SPMIP2: variants seen among roughly 807,000 people sequenced by gnomAD.
SPMIP2 encodes the protein sperm microtubule inner protein 2.
chr4:159,015,087 A>G, the SPMIP2 span, among the ~76,000 whole-genome samples: 1 of 152,226 alleles, frequency 6.6e-6, no homozygotes. Flanking sequence ...GTCCTGCAAG[A>G]CTGTAAATAA....
At chr4:158,956,523 G>A in the SPMIP2 span, among the ~76,000 whole-genome samples, 2 of 152,160 alleles carry the variant, frequency 1.3e-5, no homozygotes, top group South Asian at 2.1e-4. Context: ...AGATCGCGCC[G>A]TTGCACTCCA....
chr4:158,981,052 GA>G, the SPMIP2 span, among the ~76,000 whole-genome samples: 3 of 152,154 alleles, frequency 2.0e-5, no homozygotes, highest in Non-Finnish European at 4.4e-5. Context: ...AGAACTCTGT[GA>G]AGCATACACA....
the SPMIP2 span, among the ~76,000 whole-genome samples, chr4:158,900,176 G>C: frequency 1.3e-5 from 2 of 152,170 alleles, no homozygotes; most frequent in Non-Finnish European, 2.9e-5. Flanking sequence ...TCTTAATCCT[G>C]AGTTCTAATT....
At chr4:158,982,028 G>A in the SPMIP2 span, among the ~76,000 whole-genome samples, 49,750 of 151,762 alleles carry the variant, frequency 0.33, 8,320 homozygotes, top group South Asian at 0.41. Context: ...AGGGATGGAG[G>A]AATATTTACA....
the SPMIP2 span, among the ~76,000 whole-genome samples, chr4:158,988,784 G>A: frequency 1.3e-5 from 2 of 152,062 alleles, no homozygotes; most frequent in East Asian, 1.9e-4. Context: ...ATATCATACT[G>A]AATGGCCAAA....
the SPMIP2 span, among the ~76,000 whole-genome samples, chr4:159,040,166 A>G: frequency 9.1e-5 from 13 of 142,668 alleles, no homozygotes; most frequent in African/African-American, 3.3e-4. Context: ...GTGTGTGTAT[A>G]TATGTATGTA....
At chr4:159,068,600 T>C in the SPMIP2 span, among the ~76,000 whole-genome samples, 3 of 151,828 alleles carry the variant, frequency 2.0e-5, no homozygotes, top group Non-Finnish European at 4.4e-5. Context: ...ACATGGCACA[T>C]GCATACATAT....
chr4:158,973,824 C>T, the SPMIP2 span, among the ~76,000 whole-genome samples: 1 of 151,494 alleles, frequency 6.6e-6, no homozygotes, highest in African/African-American at 2.4e-5. Context: ...CCTGTCTCTA[C>T]AAAAAATAAA....
At chr4:159,011,754 CA>C in the SPMIP2 span, among the ~76,000 whole-genome samples, 1,187 of 146,110 alleles carry the variant, frequency 8.1e-3, 21 homozygotes, top group African/African-American at 0.029. Context: ...AACTCCATCC[CA>C]AAAAAAAAAA....
At chr4:158,975,430 A>G in the SPMIP2 span, among the ~76,000 whole-genome samples, 1 of 152,106 alleles carries the variant, frequency 6.6e-6, no homozygotes, top group Non-Finnish European at 1.5e-5. Flanking sequence ...TTATGGTTTT[A>G]GGTCTTACAT....
the SPMIP2 span, among the ~76,000 whole-genome samples, chr4:158,928,021 C>T: frequency 6.6e-6 from 1 of 152,196 alleles, no homozygotes; most frequent in South Asian, 2.1e-4. Flanking sequence ...TGAACCTCCT[C>T]AATGAGCGCC....
the SPMIP2 span, among the ~76,000 whole-genome samples, chr4:158,974,291 G>A: frequency 2.0e-5 from 3 of 152,070 alleles, no homozygotes; most frequent in African/African-American, 2.4e-5. Context: ...GAGAAGGTCT[G>A]GGTAAAGATC....
the SPMIP2 span, among the ~76,000 whole-genome samples, chr4:158,985,456 C>T: frequency 6.6e-6 from 1 of 151,908 alleles, no homozygotes; most frequent in Non-Finnish European, 1.5e-5. Flanking sequence ...GGCTTCATCC[C>T]TGGGATGCAA....
the SPMIP2 span, among the ~76,000 whole-genome samples, chr4:158,938,703 ATGT>A: frequency 6.6e-6 from 1 of 152,254 alleles, no homozygotes; most frequent in African/African-American, 2.4e-5. Context: ...TAAATCAAGC[ATGT>A]TGTCTTCCTG....
At chr4:158,933,586 CT>C in the SPMIP2 span, among the ~76,000 whole-genome samples, 321 of 152,318 alleles carry the variant, frequency 2.1e-3, 1 homozygote, top group African/African-American at 7.5e-3. Context: ...ATAAAATCAT[CT>C]CTTTTCAGAC....
the SPMIP2 span, among the ~76,000 whole-genome samples, chr4:159,012,606 C>G: frequency 6.0e-4 from 91 of 151,776 alleles, no homozygotes; most frequent in Middle Eastern, 6.8e-3. Flanking sequence ...GGATCTCACT[C>G]TGTCATCCAC....
chr4:158,975,791 G>T, the SPMIP2 span, among the ~76,000 whole-genome samples: 1 of 152,036 alleles, frequency 6.6e-6, no homozygotes, highest in South Asian at 2.1e-4. Context: ...GCTCTGTTTT[G>T]GTTCCAAATG....
At chr4:158,963,225 ATG>A in the SPMIP2 span, among the ~76,000 whole-genome samples, 1 of 151,958 alleles carries the variant, frequency 6.6e-6, no homozygotes, top group African/African-American at 2.4e-5. Context: ...TGCTTTACAC[ATG>A]TCTCTATCCA....
the SPMIP2 span, among the ~76,000 whole-genome samples, chr4:159,015,171 G>C: frequency 3.3e-5 from 5 of 152,154 alleles, no homozygotes; most frequent in Non-Finnish European, 1.5e-5. Context: ...TTTTGCCTCT[G>C]TCTCTTTCCC....
Sources: allele counts gnomAD v4.1 joint callset (sites outside exome capture counted in the v4.1 genomes callset), GRCh38; gene constraint gnomAD v4.1.1; transcripts MANE v1.5; gene names NCBI Gene and HGNC (gene_info 2026-07-23, HGNC 2026-07-21).